The following GRK6 variants were observed in gnomAD, a reference collection of about 807,000 sequenced individuals.
GRK6 encodes G protein-coupled receptor kinase 6.
Under a neutral mutation model 80.8 loss-of-function variants are expected in GRK6, and 37 were observed. The observed-to-expected ratio is 0.46, with a 90% CI of 0.35 to 0.60. The LOEUF (loss-of-function observed/expected upper bound fraction) is 0.60, where lower values mean the gene tolerates loss of function less well. Ranked by LOEUF, GRK6 falls within the 20% of genes least tolerant of loss-of-function variation. GRK6 has a pLI of 0.00. For missense variants in GRK6, 560 were observed against 784.6 expected (o/e 0.71, Z 3.42); for synonymous variants, 295 against 320.9 (o/e 0.92, Z 0.86).
rs77149478 is a variant in GRK6 at position 177,430,399 on chromosome 5, G to A, written c.53-473G>A. On this transcript the variant is annotated intron_variant, in intron 1 of 15. Coordinates refer to ENST00000355472, the MANE Select transcript of GRK6 (RefSeq NM_001004106.3). ...CCCCTTGCCCCTGCCTCATTTGAGCGTCTGATATCTCTGATGTGGGGCCTG... is the reference window on the plus strand; with the variant it reads ...CCCCTTGCCCCTGCCTCATTTGAGCATCTGATATCTCTGATGTGGGGCCTG... Among the ~76,000 whole-genome samples, 1,289 of 152,334 alleles carry A rather than the reference G, an allele frequency of 8.5e-3. 19 individuals are homozygous for A. The highest frequency in any genetic ancestry group is 0.029 in the African/African-American group (1,208 of 41,568).
chr5:177,427,598 C>T (rs1763725509), intron 1 of GRK6, among the ~76,000 whole-genome samples: 1 of 152,170 alleles, frequency 6.6e-6, no homozygotes, highest in Admixed American at 6.5e-5. Flanking sequence ...GCTCCCACCC[C>T]AGATGTTATC....
intron 1 of GRK6, among the ~76,000 whole-genome samples, chr5:177,430,525 T>G (rs1763843399): frequency 6.6e-6 from 1 of 152,242 alleles, no homozygotes; most frequent in Admixed American, 6.5e-5. Context: ...CCTTCTGCAC[T>G]TCTCAGCACT....
chr5:177,433,442 T>G (rs1455870752), intron 7 of GRK6, 32 bp downstream of exon 7: 1 of 1,609,714 alleles, frequency 6.2e-7, no homozygotes, highest in East Asian at 2.2e-5. Context: ...CCTGGGAGAG[T>G]GAATAGGGTG....
chr5:177,430,965 T>A lies in GRK6; in HGVS notation c.146T>A (p.Leu49His). ...CAGTGCGAAGAGCTGCGGCTCAGCCTCGGTGAGGCCTGGGCAGAGACTGGG... is the reference window on the plus strand; with the variant it reads ...CAGTGCGAAGAGCTGCGGCTCAGCCACGGTGAGGCCTGGGCAGAGACTGGG... Reference protein sequence around the residue: ...ISQCEELRLSLERDYHSLCER... With the variant: ...ISQCEELRLSHERDYHSLCER... Residue 49 changes from leucine to histidine, a missense_variant and splice_region_variant, in exon 2 of 16, where the codon CTC becomes CAC. Leu to His is a moderately conservative substitution (Grantham distance 99, BLOSUM62 -3). Transcript: ENST00000355472. 1.2e-6 allele frequency: 2 copies of A among 1,612,878 alleles called. No homozygotes were observed. Among genetic ancestry groups the A allele is most frequent in the Non-Finnish European group, 1.7e-6 (2 of 1,179,392 alleles).
chr5:177,432,010 G>A lies in GRK6; in HGVS notation c.164G>A (p.Ser55Asn). 6.2e-7 allele frequency: 1 copy of A among 1,613,338 alleles called. No homozygotes were observed. The highest frequency in any genetic ancestry group is 8.5e-7 in the Non-Finnish European group (1 of 1,179,880). Residue 55 changes from serine (S) to asparagine (N), a missense_variant, in exon 3 of 16, where the codon AGC becomes AAC. Coordinates refer to ENST00000355472, the MANE Select transcript of GRK6 (RefSeq NM_001004106.3). ...CTGCCAACAGAGCGTGACTATCACA[G>A]CCTGTGCGAGCGGCAGCCCATTGGG... ...LRLSLERDYH[S>N]LCERQPIGRL...
chr5:177,436,334 T>TTCCCCCCCCC, intron 12 of GRK6, 53 bp downstream of exon 12: 1 of 1,556,034 alleles, frequency 6.4e-7, no homozygotes, highest in Non-Finnish European at 8.8e-7. Context: ...GATGCACCTT[T>TTCCCCCCCCC]CCCTCCCTCC....
intron 4 of GRK6, 118 bp from the exon 5 acceptor site, chr5:177,432,588 C>A: frequency 3.9e-6 from 3 of 777,304 alleles, no homozygotes; most frequent in Non-Finnish European, 4.2e-6. Context: ...GGCTGGCTGG[C>A]ACACCCTGGC....
intron 9 of GRK6, 65 bp downstream of exon 9, chr5:177,434,169 G>A (rs1201027055): frequency 7.0e-7 from 1 of 1,429,842 alleles, no homozygotes; most frequent in Admixed American, 2.5e-5. Context: ...GCTGGGCCTG[G>A]ACGGGGGTGG....
intron 1 of GRK6, among the ~76,000 whole-genome samples, chr5:177,430,190 C>G (rs542385993): frequency 7.6e-4 from 116 of 152,326 alleles, no homozygotes; most frequent in Middle Eastern, 3.4e-3. Context: ...GTCAGAGAGG[C>G]CTTCGCTGTT....
chr5:177,436,515 G>A lies in GRK6; in HGVS notation c.1389G>A (p.Pro463=), dbSNP rs771080455. Residue 463 remains proline (P), a synonymous_variant, in exon 13 of 16, where the codon CCG becomes CCA. Transcript: ENST00000355472. ...FKRLGAGMLE[P]PFKPDPQAIY... ...GGCTGGGAGCTGGCATGCTGGAGCC[G>A]CCGTTCAAGCCTGACGTGAGTGCAG... 16 of 1,599,274 alleles carry A rather than the reference G, an allele frequency of 1.0e-5. No homozygotes were observed. In the South Asian group the frequency reaches 1.2e-4, roughly 12 times the overall value.
In GRK6 at chr5:177,436,414, G is replaced by T. The variant is rs749433938; in HGVS notation, c.1288G>T (p.Glu430Ter). The change falls in exon 13 of 16, where the codon GAA becomes TAA. Residue 430 changes from glutamate (E) to a stop codon, truncating the protein, a stop_gained. Transcript: ENST00000355472. LOFTEE classifies it high-confidence loss of function. ...CSQLLCKDPAERLGCRGGSAR... is the reference protein window; with the variant it reads ...CSQLLCKDPA ...ACAGCTCCTCTGCAAGGACCCTGCC[G>T]AACGCCTGGGGTGTCGTGGGGGCAG... 7.1e-7 allele frequency: 1 copy of T among 1,405,986 alleles called. No homozygotes were observed. The highest frequency in any genetic ancestry group is 9.5e-7 in the Non-Finnish European group (1 of 1,048,786). The allele number at this position is 1,405,986 out of a possible 1,614,324, so 87.1% of individuals were successfully genotyped here.
chr5:177,441,246 G>T, intron 15 of GRK6, 193 bp downstream of exon 15: 1 of 1,562,620 alleles, frequency 6.4e-7, no homozygotes, highest in Non-Finnish European at 8.7e-7. Context: ...TCTTTCCAGA[G>T]GTGAGCAGTG....
rs1279474823 is a variant in GRK6 at position 177,433,381 on chromosome 5, C to T, written c.568C>T (p.Arg190Ter). Residue 190 changes from arginine (R) to a stop codon, truncating the protein, a stop_gained, in exon 7 of 16, where the codon CGA (arginine) becomes TGA (stop). Coordinates refer to ENST00000355472, the MANE Select transcript of GRK6 (RefSeq NM_001004106.3). LOFTEE classifies it high-confidence loss of function. ...GACCAAAAACACCTTCAGGCAATAC[C>T]GAGTCCTGGGCAAAGGTGGCTTTGG... ...PVTKNTFRQY[R>*]VLGKGGFGEV... is the part of the protein sequence containing the mutation. The T allele has an allele frequency of 4.3e-6, 7 of 1,613,728 alleles. No individual in the cohort carries two copies. The highest frequency in any genetic ancestry group is 5.1e-6 in the Non-Finnish European group (6 of 1,179,850).
intron 13 of GRK6, among the ~76,000 whole-genome samples, chr5:177,437,158 T>C (rs895581382): frequency 6.6e-6 from 1 of 152,166 alleles, no homozygotes; most frequent in Non-Finnish European, 1.5e-5. Flanking sequence ...TTTCACCATG[T>C]TGGCCAGGCT....
chr5:177,431,094 G>A, intron 2 of GRK6, 127 bp downstream of exon 2: 1 of 711,672 alleles, frequency 1.4e-6, no homozygotes, highest in Non-Finnish European at 2.4e-6. Context: ...AGGAGGATGA[G>A]GACTGCACCA....
chr5:177,426,927 G>A (rs772548788), intron 1 of GRK6, 30 bp downstream of exon 1: 3 of 1,329,560 alleles, frequency 2.3e-6, no homozygotes, highest in African/African-American at 3.0e-5. Flanking sequence ...GGCCGGGCCC[G>A]GGTGCGTGGA....
chr5:177,431,696 T>G, intron 2 of GRK6: 1 of 439,656 alleles, frequency 2.3e-6, no homozygotes, highest in Non-Finnish European at 4.2e-6. Flanking sequence ...CCCAGTACCG[T>G]GACATACGCA....
upstream of GRK6, among the ~76,000 whole-genome samples, chr5:177,426,278 T>C (rs1334729003): frequency 6.6e-6 from 1 of 152,206 alleles, no homozygotes. Context: ...GGGCCACACC[T>C]TCAGGCGACG....
intron 13 of GRK6, chr5:177,439,943 G>T (rs994824319): frequency 2.0e-5 from 3 of 152,242 alleles, no homozygotes; most frequent in African/African-American, 4.8e-5. Flanking sequence ...CATTAAGATT[G>T]TTCCCACTTT....
Sources: gnomAD v4.1 joint callset for allele counts (sites outside exome capture counted in the v4.1 genomes callset) on GRCh38, gnomAD v4.1.1 for gene constraint, MANE v1.5 for transcripts, NCBI Gene and HGNC (gene_info 2026-07-23, HGNC 2026-07-21) for gene names.